Variants in CDCA7L observed in about 807,000 individuals in gnomAD.
CDCA7L encodes cell division cycle-associated 7-like protein.
Under a neutral mutation model 57.4 loss-of-function variants are expected in CDCA7L, and 44 were observed. That is an observed-to-expected ratio of 0.77 (90% CI 0.60 to 0.98). CDCA7L has a LOEUF of 0.98. CDCA7L is among the 50% of genes least tolerant of loss of function. The pLI, the probability that CDCA7L is intolerant of heterozygous loss-of-function variation, is 0.00. For synonymous variants in CDCA7L, 236 were observed against 202.8 expected, an observed-to-expected ratio of 1.16 and a Z score of -1.39; for missense variants, 644 against 580.6, an observed-to-expected ratio of 1.11 and a Z score of -1.12.
Position 21,904,264 on chromosome 7 carries a change from A to G in CDCA7L, c.1048-5T>C. ...ACACTGATGGCACGTGTTACCCTAC[A>G]GGGGGAAGGCAGTGAGCAGGTGAAC... On this transcript the variant is annotated splice_region_variant and splice_polypyrimidine_tract_variant and intron_variant, in intron 7 of 9. Coordinates refer to ENST00000406877, the MANE Select transcript of CDCA7L (RefSeq NM_018719.5). 1.3e-6 allele frequency: 2 copies of G among 1,596,220 alleles called. No individual in the cohort carries two copies. The highest frequency in any genetic ancestry group is 1.3e-5 in the African/African-American group (1 of 74,578).
intron 1 of CDCA7L, among the ~76,000 whole-genome samples, chr7:21,937,488 AT>A (rs533105877): frequency 2.0e-4 from 31 of 152,108 alleles, no homozygotes; most frequent in Middle Eastern, 3.4e-3. Flanking sequence ...ACAAAAAAAA[AT>A]TAGCCAGGCA....
At chr7:21,926,624 C>G (rs923221904) in intron 1 of CDCA7L, among the ~76,000 whole-genome samples, 1 of 151,968 alleles carries the variant, frequency 6.6e-6, no homozygotes, top group Admixed American at 6.6e-5. Flanking sequence ...GTAATCCAAG[C>G]ATTTTGGAAG....
intron 3 of CDCA7L, 29 bp downstream of exon 3, chr7:21,911,588 C>T: frequency 1.3e-6 from 2 of 1,595,536 alleles, no homozygotes. Context: ...AACGTTACCA[C>T]CCACATCCCT....
intron 1 of CDCA7L, among the ~76,000 whole-genome samples, chr7:21,923,624 G>C (rs1442047080): frequency 6.6e-6 from 1 of 152,180 alleles, no homozygotes; most frequent in East Asian, 1.9e-4. Context: ...CATCACTTTA[G>C]GGGCATGTGG....
rs1784798202 is a variant in CDCA7L, at chr7:21,901,101, CG to C, written c.*1220del. ...CGGTCATCTTTGCAAAAGCCACCCC[CG>C]TGGACAGACAAGAAACCAAACAGAC... On this transcript the variant is annotated 3_prime_UTR_variant, in exon 10 of 10. Transcript: ENST00000406877. 1 of 1,613,612 alleles carries C rather than the reference CG, an allele frequency of 6.2e-7. No homozygotes were observed.
chr7:21,940,220 G>T, intron 1 of CDCA7L: 1 of 539,048 alleles, frequency 1.9e-6, no homozygotes, highest in Non-Finnish European at 2.4e-6. Flanking sequence ...AAATAGCCTT[G>T]ACTGTTTCAG....
Position 21,902,179 on chromosome 7 carries a change from A to G in CDCA7L, c.*143T>C. On this transcript the variant is annotated 3_prime_UTR_variant, in exon 10 of 10. Coordinates refer to ENST00000406877, the MANE Select transcript of CDCA7L (RefSeq NM_018719.5). ...GAGAAATCTTTGTAAGCATATAAAC[A>G]ATCTTTAACAAAAAATAGTAATTTC... 1.2e-6 allele frequency: 1 copy of G among 812,856 alleles called. No homozygotes were observed. The highest frequency in any genetic ancestry group is 2.1e-6 in the Non-Finnish European group (1 of 481,966). 50.4% of individuals were successfully genotyped at this position (812,856 alleles called of 1,614,324 possible).
Position 21,921,272 on chromosome 7 carries a change from G to A in CDCA7L, c.25-4378C>T, listed in dbSNP as rs116474752. On this transcript the variant is annotated intron_variant, in intron 1 of 9. Coordinates refer to ENST00000406877, the MANE Select transcript of CDCA7L (RefSeq NM_018719.5). ...TCAAAAAAACGGTGTGCATTCCTGG[G>A]GTACGCAGGGCTCTGATCCTTCAAA... is the stretch of plus-strand genomic sequence containing the variant. 1.7e-3 allele frequency among the ~76,000 whole-genome samples: 254 copies of A among 150,834 alleles called. 2 individuals are homozygous for A. The highest frequency in any genetic ancestry group is 5.7e-3 in the African/African-American group (232 of 40,954).
At chr7:21,906,712 A>C in intron 4 of CDCA7L, 73 bp from the exon 5 acceptor site, 469 of 1,414,610 alleles carry the variant, frequency 3.3e-4, no homozygotes, top group Non-Finnish European at 4.3e-4. Context: ...CACCTATCTC[A>C]AGTCTTCCAT....
intron 7 of CDCA7L, among the ~76,000 whole-genome samples, chr7:21,904,690 C>A (rs189366676): frequency 1.3e-5 from 2 of 152,326 alleles, no homozygotes; most frequent in African/African-American, 4.8e-5. Context: ...TCCTGCCCCC[C>A]AAATCCATGG....
chr7:21,926,209 A>G (rs1317141950), intron 1 of CDCA7L, among the ~76,000 whole-genome samples: 1 of 149,388 alleles, frequency 6.7e-6, no homozygotes, highest in Non-Finnish European at 1.5e-5. Context: ...ATAACTATAT[A>G]TTAATTAGTA....
Position 21,901,361 on chromosome 7 carries a change from C to CGTGCATTCTTTTTTCAACGCTATCCTTA in CDCA7L, c.*933_*960dup. On this transcript the variant is annotated 3_prime_UTR_variant, in exon 10 of 10. Transcript: ENST00000406877. ...TATTCTAACTTTTTAGTAACTCACA[C>CGTGCATTCTTTTTTCAACGCTATCCTTA]GTGCATTCTTTTTTCAACGCTATCC... 1 of 1,359,238 alleles carries CGTGCATTCTTTTTTCAACGCTATCCTTA rather than the reference C, an allele frequency of 7.4e-7. No homozygotes were observed. The highest frequency in any genetic ancestry group is 2.9e-5 in the Admixed American group (1 of 35,072). 84.2% of individuals were successfully genotyped at this position (1,359,238 alleles called of 1,614,324 possible).
chr7:21,938,595 G>T (rs1054053125), intron 1 of CDCA7L, among the ~76,000 whole-genome samples: 10 of 152,154 alleles, frequency 6.6e-5, no homozygotes, highest in Non-Finnish European at 1.3e-4. Flanking sequence ...GCAGATATTT[G>T]TATGCCAATG....
intron 1 of CDCA7L, among the ~76,000 whole-genome samples, chr7:21,926,246 ACT>A (rs1785821795): frequency 6.6e-6 from 1 of 152,110 alleles, no homozygotes; most frequent in Non-Finnish European, 1.5e-5. Flanking sequence ...AAAAATACAA[ACT>A]CATGTTAACA....
intron 7 of CDCA7L, 103 bp from the exon 8 acceptor site, chr7:21,904,362 C>CG: frequency 8.7e-7 from 1 of 1,149,684 alleles, no homozygotes; most frequent in Non-Finnish European, 1.2e-6. Flanking sequence ...GAAATACCCC[C>CG]GTCTCCTCGA....
At chr7:21,902,515 G>C in intron 9 of CDCA7L, 163 bp from the exon 10 acceptor site, 1 of 674,466 alleles carries the variant, frequency 1.5e-6, no homozygotes, top group South Asian at 1.8e-5. Context: ...ATACCCTCTG[G>C]TGTAGTACGC....
intron 3 of CDCA7L, 132 bp from the exon 4 acceptor site, chr7:21,908,639 G>C: frequency 1.0e-5 from 10 of 985,782 alleles, no homozygotes; most frequent in African/African-American, 5.0e-5. Flanking sequence ...CATATTATGA[G>C]TTCCCTCTGA....
At chr7:21,915,584 G>C (rs1225249013) in intron 2 of CDCA7L, among the ~76,000 whole-genome samples, 1 of 149,966 alleles carries the variant, frequency 6.7e-6, no homozygotes, top group Non-Finnish European at 1.5e-5. Flanking sequence ...GATCACCTGA[G>C]GTCGGGAGTT....
rs138832672 is a variant in CDCA7L, at chr7:21,942,147, T to C, written c.24+3634A>G. Among the ~76,000 whole-genome samples the C allele has an allele frequency of 3.4e-3, 520 of 152,326 alleles. 2 individuals are homozygous for C. Among genetic ancestry groups the C allele is most frequent in the South Asian group, 8.9e-3 (43 of 4,826 alleles). On this transcript the variant is annotated intron_variant, in intron 1 of 9. Coordinates refer to ENST00000406877, the MANE Select transcript of CDCA7L (RefSeq NM_018719.5). The stretch of plus-strand genomic sequence containing the variant: ...GTACTAACCCAGTCAGCAAGCCCTC[T>C]ATCCTCAGCTGATGATCATGAAGGA...
Sources: allele counts gnomAD v4.1 joint callset (sites outside exome capture counted in the v4.1 genomes callset), GRCh38; gene constraint gnomAD v4.1.1; transcripts MANE v1.5; gene names NCBI Gene and HGNC (gene_info 2026-07-23, HGNC 2026-07-21).